Variants in IRAK1BP1 observed in about 807,000 individuals in gnomAD.
IRAK1BP1 encodes interleukin 1 receptor associated kinase 1 binding protein 1.
IRAK1BP1 carries 24 observed loss-of-function variants against 28.0 expected under a neutral mutation model. The ratio of observed to expected loss-of-function variants is 0.86; its 90% CI spans 0.62 to 1.20. The LOEUF is 1.20. IRAK1BP1 is among the 50% of genes most tolerant of loss of function. IRAK1BP1 has a pLI of 0.00. For synonymous variants in IRAK1BP1, 131 were observed against 116.3 expected, an observed-to-expected ratio of 1.13 and a Z score of -0.81; for missense variants, 336 against 316.7, an observed-to-expected ratio of 1.06 and a Z score of -0.46.
At chr6:78,928,412 T>A (rs1772948748) in intron 4 of IRAK1BP1, among the ~76,000 whole-genome samples, 1 of 151,908 alleles carries the variant, frequency 6.6e-6, no homozygotes, top group Non-Finnish European at 1.5e-5. Context: ...ATAGTTTTTG[T>A]GTGTGTGTGT....
chr6:78,941,216 T>C (rs1277551298), intron 4 of IRAK1BP1: 16 of 1,613,936 alleles, frequency 9.9e-6, no homozygotes, highest in Non-Finnish European at 1.4e-5. Context: ...ACTATTGGTA[T>C]TAACTTCTAC....
intron 4 of IRAK1BP1, chr6:78,940,548 GTTTTT>G (rs36155238): frequency 8.5e-5 from 7 of 82,716 alleles, no homozygotes; most frequent in Admixed American, 2.2e-4. Context: ...TCGTAAGTTT[GTTTTT>G]TTTTTTTTTT....
intron 1 of IRAK1BP1, among the ~76,000 whole-genome samples, chr6:78,874,084 C>T (rs1459939319): frequency 6.6e-6 from 1 of 152,158 alleles, no homozygotes; most frequent in African/African-American, 2.4e-5. Context: ...CTGCAACATT[C>T]CCAAGCCTTA....
chr6:78,922,015 G>A (rs1309426964), intron 4 of IRAK1BP1, among the ~76,000 whole-genome samples: 1 of 152,184 alleles, frequency 6.6e-6, no homozygotes, highest in Non-Finnish European at 1.5e-5. Context: ...AAATCAGAGA[G>A]GCTATCCTCC....
At chr6:78,871,189 A>G (rs1016779107) in intron 1 of IRAK1BP1, 1 of 842,416 alleles carries the variant, frequency 1.2e-6, no homozygotes, top group Non-Finnish European at 1.4e-6. Context: ...AATTACCCTG[A>G]TATCTCTGCT....
At chr6:78,961,633 A>G in the IRAK1BP1 span, 1 of 1,577,480 alleles carries the variant, frequency 6.3e-7, no homozygotes, top group East Asian at 2.3e-5. Flanking sequence ...AGATCAGTAA[A>G]TGGGTGGAAA....
the IRAK1BP1 span, chr6:78,955,532 G>C: frequency 1.7e-6 from 1 of 587,358 alleles, no homozygotes; most frequent in East Asian, 3.1e-5. Context: ...GTTCACAACA[G>C]CTTTTACCTG....
intron 4 of IRAK1BP1, chr6:78,938,967 G>A (rs1356435381): frequency 1.3e-5 from 2 of 151,302 alleles, no homozygotes; most frequent in African/African-American, 4.8e-5. Flanking sequence ...TCTACATCAG[G>A]GTCATGCTGA....
chr6:78,965,995 T>C, the IRAK1BP1 span: 1 of 1,613,654 alleles, frequency 6.2e-7, no homozygotes, highest in East Asian at 2.2e-5. Flanking sequence ...GTTGAAGAGG[T>C]TCCTGGCTTT....
At chr6:78,915,050 C>T (rs1772525143) in intron 4 of IRAK1BP1, among the ~76,000 whole-genome samples, 1 of 152,120 alleles carries the variant, frequency 6.6e-6, no homozygotes, top group South Asian at 2.1e-4. Flanking sequence ...GAACTCCTCA[C>T]CTCAGGTGAT....
rs1434795138 is a variant in IRAK1BP1, at chr6:78,911,765, A to G, written c.*67+8655A>G. Reference sequence around the variant, plus strand: ...ACTGGGTTAAGTAGATGTTATGAATACTGTACTACCATGTGAAGTAGCTTC... The same window carrying G: ...ACTGGGTTAAGTAGATGTTATGAATGCTGTACTACCATGTGAAGTAGCTTC... On this transcript the variant is annotated intron_variant and NMD_transcript_variant, in intron 4 of 4. Transcript: ENST00000606868. Among the ~76,000 whole-genome samples, 3 of 152,308 alleles carry G rather than the reference A, an allele frequency of 2.0e-5. No individual in the cohort carries two copies. The East Asian group carries it at 5.8e-4, about 29-fold the overall frequency.
rs190630470 is a variant in IRAK1BP1 at position 78,944,378 on chromosome 6, G to A, written c.*68-1030G>A. ...GAGAAATAAAAAGATCGCTTTGGCT[G>A]CAATATGAGAGAGGGACTGGTTAAG... On this transcript the variant is annotated intron_variant and NMD_transcript_variant, in intron 4 of 4. Transcript: ENST00000606868. 7.4e-4 allele frequency among the ~76,000 whole-genome samples: 112 copies of A among 152,322 alleles called. 1 individual carries two copies. The highest frequency in any genetic ancestry group is 6.8e-3 in the Middle Eastern group (2 of 294).
intron 1 of IRAK1BP1, among the ~76,000 whole-genome samples, chr6:78,883,240 A>G (rs1021533867): frequency 6.6e-5 from 10 of 152,182 alleles, no homozygotes; most frequent in Non-Finnish European, 8.8e-5. Flanking sequence ...CAGCCTGGAC[A>G]GCAAAGCAAG....
At chr6:78,969,316 T>C in the IRAK1BP1 span, among the ~76,000 whole-genome samples, 1 of 152,202 alleles carries the variant, frequency 6.6e-6, no homozygotes, top group African/African-American at 2.4e-5. Flanking sequence ...ACACTGGTCC[T>C]ATATGAAATT....
chr6:78,881,505 C>T (rs1220551107), intron 1 of IRAK1BP1, among the ~76,000 whole-genome samples: 1 of 152,042 alleles, frequency 6.6e-6, no homozygotes, highest in African/African-American at 2.4e-5. Flanking sequence ...AATAGTGAAG[C>T]TTGATGTATG....
At chr6:78,947,748 T>C, downstream of IRAK1BP1, 9 of 1,609,018 alleles carry the variant, frequency 5.6e-6, no homozygotes, top group Non-Finnish European at 6.8e-6. Context: ...GCAAAATCCA[T>C]TGGAGTGTCA....
intron 1 of IRAK1BP1, among the ~76,000 whole-genome samples, chr6:78,878,386 G>T (rs571561707): frequency 1.3e-5 from 2 of 152,166 alleles, no homozygotes; most frequent in African/African-American, 2.4e-5. Flanking sequence ...AGGCAAACAG[G>T]GTCTGGAGTG....
At chr6:78,903,809 C>G (rs1469038139), downstream of IRAK1BP1, among the ~76,000 whole-genome samples, 1 of 151,756 alleles carries the variant, frequency 6.6e-6, no homozygotes, top group African/African-American at 2.4e-5. Flanking sequence ...GTCTCCTATC[C>G]TGCTCCTTTT....
chr6:78,938,161 T>C (rs913939680), intron 4 of IRAK1BP1: 3 of 151,662 alleles, frequency 2.0e-5, no homozygotes, highest in Non-Finnish European at 3.0e-5. Flanking sequence ...TCTAAATATA[T>C]TGGTATTACT....
Sources: gnomAD v4.1 joint callset for allele counts (sites outside exome capture counted in the v4.1 genomes callset) on GRCh38, gnomAD v4.1.1 for gene constraint, MANE v1.5 for transcripts, NCBI Gene and HGNC (gene_info 2026-07-23, HGNC 2026-07-21) for gene names.